PNPLA6: variants seen among roughly 807,000 people sequenced by gnomAD.
The protein encoded by PNPLA6 is patatin like domain 6, lysophospholipase.
A neutral mutation model predicts 153.7 loss-of-function variants in PNPLA6; 105 were observed. The observed-to-expected ratio is 0.68, with a 90% confidence interval of 0.58 to 0.80. PNPLA6 has a LOEUF of 0.80. Among genes scored for constraint, PNPLA6 ranks in the 30% least tolerant of loss-of-function variants. The pLI, the probability that PNPLA6 is intolerant of heterozygous loss-of-function variation, is 0.00. For synonymous variants in PNPLA6, 825 were observed against 822.2 expected, an observed-to-expected ratio of 1.00 and a Z score of -0.06; for missense variants, 1,423 against 1,919.3, an observed-to-expected ratio of 0.74 and a Z score of 4.83.
intron 28 of PNPLA6, 23 bp downstream of exon 28, chr19:7,559,174 G>A (rs1185582893): frequency 6.2e-7 from 1 of 1,607,256 alleles, no homozygotes; most frequent in Admixed American, 1.7e-5. Context: ...GAGTGGCATG[G>A]TGCCTGCATA....
intron 10 of PNPLA6, 128 bp from the exon 11 acceptor site, chr19:7,542,433 C>T: frequency 1.3e-6 from 1 of 753,620 alleles, no homozygotes; most frequent in Non-Finnish European, 2.3e-6. Context: ...CTCCTATGCT[C>T]AAGTGATCCT....
chr19:7,557,215 C>T lies in PNPLA6; in HGVS notation c.3328C>T (p.Leu1110=). The part of the protein sequence containing the change: ...VRASMTLSGY[L]PPLCDPKDGH... ...CGCCAGCATGACGCTGTCGGGCTAC[C>T]TGCCCCCGCTGTGCGACCCCAAGGA... The change falls in exon 27 of 32, where the codon CTG becomes TTG. Residue 1110 remains leucine (L), a synonymous_variant. Transcript: ENST00000600737. 1 of 1,613,582 alleles carries T rather than the reference C, an allele frequency of 6.2e-7. No individual in the cohort carries two copies. Among genetic ancestry groups the T allele is most frequent in the South Asian group, 1.1e-5 (1 of 91,090 alleles).
Position 7,542,562 on chromosome 19 carries a change from C to A in PNPLA6, c.1254C>A (p.Gly418=). 1.2e-6 allele frequency: 2 copies of A among 1,613,048 alleles called. No individual in the cohort carries two copies. Among genetic ancestry groups the A allele is most frequent in the Non-Finnish European group, 1.7e-6 (2 of 1,179,294 alleles). Reference sequence around the variant, plus strand: ...TGTTGCCCCCCTGCCTGCCTGCAGGCTTGCAGGGTGGCCCCCGCTCCGACT... The same window carrying A: ...TGTTGCCCCCCTGCCTGCCTGCAGGATTGCAGGGTGGCCCCCGCTCCGACT... ...RCVSMPGDIS[G]LQGGPRSDFD... Residue 418 remains glycine (G), a splice_region_variant and synonymous_variant, in exon 11 of 32, where the codon GGC becomes GGA. Transcript: ENST00000600737.
chr19:7,536,288 C>T lies in PNPLA6; in HGVS notation c.315+15C>T. 1.9e-6 allele frequency: 3 copies of T among 1,601,512 alleles called. No individual in the cohort carries two copies. The highest frequency in any genetic ancestry group is 2.6e-6 in the Non-Finnish European group (3 of 1,168,654). ...TTATGCGGAAGGTGAGTCCGGGACC[C>T]CTGGGGTCCGCCCTGACCACACAGA... is the stretch of plus-strand genomic sequence containing the variant. On this transcript the variant is annotated intron_variant, in intron 2 of 31. Coordinates refer to ENST00000600737, the MANE Select transcript of PNPLA6 (RefSeq NM_001166114.2).
rs773889167 is a variant in PNPLA6, at chr19:7,561,196, C to T, written c.3914-12C>T. ...CCAATCCCCTCACCTGTGCCCTGCT[C>T]CCCGATTCCAGGAGAGGAGTCAGAT... On this transcript the variant is annotated splice_polypyrimidine_tract_variant and intron_variant, in intron 30 of 31. Coordinates refer to ENST00000600737, the MANE Select transcript of PNPLA6 (RefSeq NM_001166114.2). 6.2e-7 allele frequency: 1 copy of T among 1,601,394 alleles called. No homozygotes were observed. The highest frequency in any genetic ancestry group is 8.5e-7 in the Non-Finnish European group (1 of 1,173,146).
intron 27 of PNPLA6, among the ~76,000 whole-genome samples, chr19:7,557,932 C>T (rs1048097295): frequency 6.6e-6 from 1 of 152,220 alleles, no homozygotes; most frequent in Non-Finnish European, 1.5e-5. Flanking sequence ...CTCGTGTGCA[C>T]ACCAGCTATA....
At position 7,555,201 on chromosome 19, in the gene PNPLA6, G is replaced by T; in HGVS notation, c.2818-48G>T. The T allele has an allele frequency of 1.3e-6, 2 of 1,538,596 alleles. No individual in the cohort carries two copies. Among genetic ancestry groups the T allele is most frequent in the Non-Finnish European group, 8.8e-7 (1 of 1,130,104 alleles). On this transcript the variant is annotated intron_variant, in intron 22 of 31. Transcript: ENST00000600737. The surrounding 1 kb of genome is among the most constrained non-coding windows in gnomAD (Gnocchi z 6.3). ...TCAGGGTACCCCTGGGGGATCCGCCGGACCCCGCCCTCATGCTCCTGGGTC... is the reference window on the plus strand; with the variant it reads ...TCAGGGTACCCCTGGGGGATCCGCCTGACCCCGCCCTCATGCTCCTGGGTC...
chr19:7,544,039 T>A (rs1319807139), intron 13 of PNPLA6, among the ~76,000 whole-genome samples: 1 of 151,830 alleles, frequency 6.6e-6, no homozygotes, highest in African/African-American at 2.4e-5. Context: ...GGTCTCGATC[T>A]CCTGACCTCG....
chr19:7,555,171 G>T lies in PNPLA6; in HGVS notation c.2818-78G>T. ...GCCTGGGAGGGCTGAGGACAGGCTC[G>T]AAGGTCAGGGTACCCCTGGGGGATC... On this transcript the variant is annotated intron_variant, in intron 22 of 31. Coordinates refer to ENST00000600737, the MANE Select transcript of PNPLA6 (RefSeq NM_001166114.2). This position sits in a 1 kb window ranked among gnomAD's most constrained non-coding sequence, Gnocchi z 6.3. 1 of 1,516,148 alleles carries T rather than the reference G, an allele frequency of 6.6e-7. No individual in the cohort carries two copies. The highest frequency in any genetic ancestry group is 8.9e-7 in the Non-Finnish European group (1 of 1,119,340). The allele number at this position is 1,516,148 out of a possible 1,614,324, so 93.9% of individuals were successfully genotyped here.
In PNPLA6 at chr19:7,551,445, C is replaced by T. The variant is rs2023645569; in HGVS notation, c.2260+8C>T. 1.2e-6 allele frequency: 2 copies of T among 1,611,862 alleles called. No individual in the cohort carries two copies. Among genetic ancestry groups the T allele is most frequent in the Admixed American group, 1.7e-5 (1 of 59,986 alleles). Reference sequence around the variant, plus strand: ...TGCAAGGACCCTTCCCAGGTGAGAGCCGGCCGGCCCAGAGCGTGCTGGGAG... The same window carrying T: ...TGCAAGGACCCTTCCCAGGTGAGAGTCGGCCGGCCCAGAGCGTGCTGGGAG... On this transcript the variant is annotated splice_region_variant and intron_variant, in intron 18 of 31. Transcript: ENST00000600737.
At chr19:7,545,476 C>G (rs944203004) in intron 13 of PNPLA6, among the ~76,000 whole-genome samples, 1 of 152,144 alleles carries the variant, frequency 6.6e-6, no homozygotes, top group Non-Finnish European at 1.5e-5. Context: ...AGGAATCTCT[C>G]CATTTCTGGG....
At chr19:7,534,358 A>C, upstream of PNPLA6, 2 of 181,774 alleles carry the variant, frequency 1.1e-5, no homozygotes, top group South Asian at 1.0e-4. Context: ...TGATGTTCCC[A>C]TACCCCCCAC....
At position 7,551,087 on chromosome 19, in the gene PNPLA6, A is replaced by G; in HGVS notation, c.2164A>G (p.Ile722Val). 1 of 1,548,250 alleles carries G rather than the reference A, an allele frequency of 6.5e-7. No homozygotes were observed. The highest frequency in any genetic ancestry group is 8.7e-7 in the Non-Finnish European group (1 of 1,146,038). ...GCTTCCCGAGGGCACCTTGGGTCACATCAAACGCCGGTACCCGCAGGTGCG... is the reference window on the plus strand; with the variant it reads ...GCTTCCCGAGGGCACCTTGGGTCACGTCAAACGCCGGTACCCGCAGGTGCG... ...AKLPEGTLGH[I>V]KRRYPQVVTR... The change falls in exon 17 of 32, where the codon ATC becomes GTC. Residue 722 changes from isoleucine (I) to valine (V), a missense_variant. Physicochemically the swap from Ile to Val is conservative, Grantham distance 29 (BLOSUM62 3). Transcript: ENST00000600737.
chr19:7,542,375 C>G, intron 10 of PNPLA6, 186 bp from the exon 11 acceptor site: 1 of 639,928 alleles, frequency 1.6e-6, no homozygotes, highest in Admixed American at 2.5e-5. Context: ...AGACCTGTCT[C>G]CCAGGCTAGA....
In PNPLA6 at chr19:7,541,241, G is replaced by C. The variant is rs1362010677; in HGVS notation, c.925-113G>C. 4.3e-5 allele frequency: 49 copies of C among 1,131,198 alleles called. No homozygotes were observed. The East Asian group carries it at 5.6e-4, about 13-fold the overall frequency. The allele number at this position is 1,131,198 out of a possible 1,614,324, so 70.1% of individuals were successfully genotyped here. ...CCTCGCCCCATTTCCCCAGACTGTG[G>C]GTCTCTCCCTGGTTCCCGCCCGACC... On this transcript the variant is annotated intron_variant, in intron 7 of 31. Coordinates refer to ENST00000600737, the MANE Select transcript of PNPLA6 (RefSeq NM_001166114.2). This position sits in a 1 kb window ranked among gnomAD's most constrained non-coding sequence, Gnocchi z 5.2.
chr19:7,545,785 G>A (rs1451055789), intron 13 of PNPLA6, among the ~76,000 whole-genome samples: 5 of 151,778 alleles, frequency 3.3e-5, no homozygotes, highest in African/African-American at 9.7e-5. Context: ...GATGGCGGGC[G>A]CCTCTAGTCC....
At chr19:7,556,155 C>T (rs1365309286) in intron 24 of PNPLA6, among the ~76,000 whole-genome samples, 1 of 147,108 alleles carries the variant, frequency 6.8e-6, no homozygotes, top group African/African-American at 2.5e-5. Context: ...CTCCACCTCC[C>T]AGGTTCAAGT....
In PNPLA6 at chr19:7,555,019, C is replaced by A. The variant is rs1218584397; in HGVS notation, c.2761C>A (p.His921Asn). Reference protein sequence around the residue: ...WLNMRSWCSGHLHLRCPRRLF... With the variant: ...WLNMRSWCSGNLHLRCPRRLF... The stretch of plus-strand genomic sequence containing the variant: ...AAATATGCGCAGCTGGTGCTCGGGG[C>A]ACCTGCACCTGCGCTGTCCGCGCCG... Residue 921 changes from histidine to asparagine, a missense_variant, in exon 22 of 32, where the codon CAC becomes AAC. Transcript: ENST00000600737. This position sits in a 1 kb window ranked among gnomAD's most constrained non-coding sequence, Gnocchi z 6.3. The A allele has an allele frequency of 2.5e-6, 4 of 1,593,502 alleles. No individual in the cohort carries two copies. Among genetic ancestry groups the A allele is most frequent in the African/African-American group, 1.3e-5 (1 of 74,820 alleles).
At chr19:7,556,850 A>G (rs1214129502) in intron 26 of PNPLA6, 126 bp downstream of exon 26, 3 of 775,732 alleles carry the variant, frequency 3.9e-6, no homozygotes, top group African/African-American at 3.4e-5. Flanking sequence ...TGGCCCGATC[A>G]CCGACCACTA....
Sources: gnomAD v4.1 joint callset for allele counts (sites outside exome capture counted in the v4.1 genomes callset) on GRCh38, gnomAD v4.1.1 for gene constraint, Gnocchi (gnomAD v3.1) non-coding constraint, MANE v1.5 for transcripts, NCBI Gene and HGNC (gene_info 2026-07-23, HGNC 2026-07-21) for gene names.